The following GALNT18 variants were observed in gnomAD, a reference collection of about 807,000 sequenced individuals.
The protein encoded by GALNT18 is GalNAc-transferase 18.
Under a neutral mutation model 69.5 loss-of-function variants are expected in GALNT18, and 44 were observed. The observed-to-expected ratio is 0.63, with a 90% CI of 0.50 to 0.81. The LOEUF is 0.81. GALNT18 is among the 40% of genes least tolerant of loss of function. The pLI is 0.00. For missense variants in GALNT18, 715 were observed against 810.0 expected (o/e 0.88, Z 1.42); for synonymous variants, 364 against 318.2 (o/e 1.14, Z -1.53).
In GALNT18 at chr11:11,564,366, A is replaced by G. The variant is rs1202490934; in HGVS notation, c.235+56993T>C. On this transcript the variant is annotated intron_variant, in intron 1 of 10. Coordinates refer to ENST00000227756, the MANE Select transcript of GALNT18 (RefSeq NM_198516.3). This position sits in a 1 kb window ranked among gnomAD's most constrained non-coding sequence, Gnocchi z 4.3. ...ATTCTGCTGGCAACTCCAGCTGAGA[A>G]CCCAAATCCCCGGAAGGATTCCAGG... Among the ~76,000 whole-genome samples, 1 of 152,172 alleles carries G rather than the reference A, an allele frequency of 6.6e-6. No homozygotes were observed. Among genetic ancestry groups the G allele is most frequent in the Non-Finnish European group, 1.5e-5 (1 of 68,036 alleles).
At chr11:11,510,456 A>G (rs1385647361) in intron 1 of GALNT18, among the ~76,000 whole-genome samples, 1 of 150,416 alleles carries the variant, frequency 6.6e-6, no homozygotes, top group African/African-American at 2.4e-5. Flanking sequence ...CAAACCTTCC[A>G]TGAGTACAGC....
chr11:11,369,842 C>T (rs990552343), intron 6 of GALNT18, among the ~76,000 whole-genome samples: 1 of 152,008 alleles, frequency 6.6e-6, no homozygotes, highest in Non-Finnish European at 1.5e-5. Flanking sequence ...AAGAAGAAGG[C>T]TTTAAATAGG....
rs146352493 is a variant in GALNT18, at chr11:11,343,178, T to C, written c.1093-2174A>G. 4.1e-3 allele frequency among the ~76,000 whole-genome samples: 625 copies of C among 152,068 alleles called. 4 individuals carry two copies. The highest frequency in any genetic ancestry group is 0.014 in the African/African-American group (579 of 41,470). ...GGGTAACATGGTGAGACCTCATCTC[T>C]GCTGAAAATTTCAAAAAAAGTTACC... On this transcript the variant is annotated intron_variant, in intron 6 of 10. Transcript: ENST00000227756.
intron 6 of GALNT18, chr11:11,353,259 G>T: frequency 9.7e-7 from 1 of 1,031,916 alleles, no homozygotes; most frequent in Non-Finnish European, 1.4e-6. Context: ...GGCTGTGGCC[G>T]CTCTCCCTTC....
chr11:11,295,627 C>G (rs187401998), intron 9 of GALNT18, among the ~76,000 whole-genome samples: 4 of 152,112 alleles, frequency 2.6e-5, no homozygotes, highest in African/African-American at 9.6e-5. Flanking sequence ...ACGTCAGCCT[C>G]TCAGGGTGGA....
chr11:11,423,304 A>G (rs1221777459), intron 3 of GALNT18, among the ~76,000 whole-genome samples: 1 of 152,264 alleles, frequency 6.6e-6, no homozygotes, highest in Non-Finnish European at 1.5e-5. Context: ...ATGTGTGCAT[A>G]CATGAACAGA....
chr11:11,513,803 T>A (rs528477450), intron 1 of GALNT18, among the ~76,000 whole-genome samples: 61 of 152,376 alleles, frequency 4.0e-4, no homozygotes, highest in Non-Finnish European at 6.0e-4. Context: ...TTATTTATTT[T>A]TTTTGTAAAG....
At chr11:11,304,644 G>A (rs938303178) in intron 9 of GALNT18, among the ~76,000 whole-genome samples, 7 of 152,142 alleles carry the variant, frequency 4.6e-5, no homozygotes, top group African/African-American at 9.7e-5. Context: ...TTTGTTGTTC[G>A]AAATAGTCTC....
chr11:11,454,376 C>T lies in GALNT18; in HGVS notation c.236-5440G>A, dbSNP rs1855876435. On this transcript the variant is annotated intron_variant, in intron 1 of 10. Transcript: ENST00000227756. The surrounding 1 kb of genome is among the most constrained non-coding windows in gnomAD (Gnocchi z 4.2). ...AGGACTCCTCTGTAAATCTCTTATA[C>T]CAGAGAATTACCAGGCTTCTCTCCC... Among the ~76,000 whole-genome samples the T allele has an allele frequency of 6.6e-6, 1 of 152,068 alleles. No homozygotes were observed. The highest frequency in any genetic ancestry group is 1.5e-5 in the Non-Finnish European group (1 of 68,028).
chr11:11,373,761 C>G (rs1170790849), intron 5 of GALNT18, among the ~76,000 whole-genome samples: 1 of 152,210 alleles, frequency 6.6e-6, no homozygotes, highest in Non-Finnish European at 1.5e-5. Context: ...GGTGAGTTAG[C>G]GTGAGAGCAC....
chr11:11,456,343 A>C (rs972593036), intron 1 of GALNT18, among the ~76,000 whole-genome samples: 1 of 152,188 alleles, frequency 6.6e-6, no homozygotes, highest in Non-Finnish European at 1.5e-5. Flanking sequence ...ATTATGCACC[A>C]AGACTTGTTG....
rs2133945929 is a variant in GALNT18, at chr11:11,601,353, T to A, written c.235+20006A>T. ...TTTTCCCCCAACAGTGTGTAGTCTC[T>A]AATACTACTTCTTGAAGGTGAAACC... On this transcript the variant is annotated intron_variant, in intron 1 of 10. Transcript: ENST00000227756. This position sits in a 1 kb window ranked among gnomAD's most constrained non-coding sequence, Gnocchi z 4.0. 6.6e-6 allele frequency among the ~76,000 whole-genome samples: 1 copy of A among 152,324 alleles called. No individual in the cohort carries two copies. Among genetic ancestry groups the A allele is most frequent in the Non-Finnish European group, 1.5e-5 (1 of 68,026 alleles).
intron 10 of GALNT18, among the ~76,000 whole-genome samples, chr11:11,272,965 A>G (rs890973442): frequency 2.6e-5 from 4 of 152,120 alleles, no homozygotes; most frequent in African/African-American, 9.6e-5. Context: ...AGTCTTTTCA[A>G]TAAATTGCCT....
At chr11:11,276,829 G>A (rs1465078155) in intron 10 of GALNT18, among the ~76,000 whole-genome samples, 2 of 152,190 alleles carry the variant, frequency 1.3e-5, no homozygotes, top group African/African-American at 4.8e-5. Context: ...ATTTGTGTAT[G>A]TTGAACCAGC....
rs149707811 is a variant in GALNT18, at chr11:11,595,184, CAT to C, written c.235+26173_235+26174del. On this transcript the variant is annotated intron_variant, in intron 1 of 10. Transcript: ENST00000227756. The surrounding 1 kb of genome is among the most constrained non-coding windows in gnomAD (Gnocchi z 5.2). ...TGAATGTTTATTTTGCCCCAAAATT[CAT>C]ATGTTGAAATCTAATCACCAAGGTG... is the stretch of plus-strand genomic sequence containing the variant. Among the ~76,000 whole-genome samples, 1,863 of 152,060 alleles carry C rather than the reference CAT, an allele frequency of 0.012. 44 individuals are homozygous for C. Among genetic ancestry groups the C allele is most frequent in the African/African-American group, 0.043 (1,765 of 41,464 alleles).
At chr11:11,610,106 G>A (rs779122246) in intron 1 of GALNT18, among the ~76,000 whole-genome samples, 1 of 152,172 alleles carries the variant, frequency 6.6e-6, no homozygotes, top group Non-Finnish European at 1.5e-5. Flanking sequence ...TGCCTCTCCA[G>A]GAAAGGAGGC....
chr11:11,579,559 C>T (rs1859022477), intron 1 of GALNT18, among the ~76,000 whole-genome samples: 2 of 152,218 alleles, frequency 1.3e-5, no homozygotes, highest in Non-Finnish European at 2.9e-5. Context: ...GGAACCCCGC[C>T]AGGGTACCCC....
intron 1 of GALNT18, among the ~76,000 whole-genome samples, chr11:11,482,877 G>A (rs187386171): frequency 2.0e-5 from 3 of 152,302 alleles, no homozygotes; most frequent in Non-Finnish European, 2.9e-5. Context: ...TCTACAAAGT[G>A]TGTTCCATGG....
chr11:11,445,538 A>T (rs1342410893), intron 2 of GALNT18, among the ~76,000 whole-genome samples: 1 of 152,226 alleles, frequency 6.6e-6, no homozygotes, highest in Non-Finnish European at 1.5e-5. Context: ...AACAGACAAA[A>T]GGAGGCACTG....
Sources: allele counts gnomAD v4.1 joint callset (sites outside exome capture counted in the v4.1 genomes callset), GRCh38; gene constraint gnomAD v4.1.1; non-coding constraint Gnocchi (gnomAD v3.1); transcripts MANE v1.5; gene names NCBI Gene and HGNC (gene_info 2026-07-23, HGNC 2026-07-21).